EPB41L4A: variants seen among roughly 807,000 people sequenced by gnomAD.
The protein encoded by EPB41L4A is band 4.1-like protein 4A.
Under a neutral mutation model 108.6 loss-of-function variants are expected in EPB41L4A, and 100 were observed. The ratio of observed to expected loss-of-function variants is 0.92; its 90% CI spans 0.78 to 1.09. EPB41L4A has a LOEUF of 1.09. Among genes scored for constraint, EPB41L4A ranks in the 50% least tolerant of loss-of-function variants. The probability of loss-of-function intolerance (pLI) is 0.00; values close to 1 mark genes in which losing one functional copy is unlikely to be tolerated. For missense variants in EPB41L4A, 1,030 were observed against 842.7 expected, an observed-to-expected ratio of 1.22 and a Z score of -2.75; for synonymous variants, 319 against 289.0, an observed-to-expected ratio of 1.10 and a Z score of -1.05.
intron 15 of EPB41L4A, among the ~76,000 whole-genome samples, chr5:112,198,901 G>A (rs1270759512): frequency 1.3e-5 from 2 of 151,960 alleles, no homozygotes; most frequent in Non-Finnish European, 2.9e-5. Context: ...TGTTTCCTGT[G>A]AGAATGCCCC....
At chr5:112,180,620 C>G (rs1161436901) in intron 18 of EPB41L4A, among the ~76,000 whole-genome samples, 2 of 145,506 alleles carry the variant, frequency 1.4e-5, no homozygotes, top group African/African-American at 5.1e-5. Flanking sequence ...ATAAGACTAT[C>G]TTTGTGACCA....
intron 2 of EPB41L4A, among the ~76,000 whole-genome samples, chr5:112,303,818 T>G (rs1248615309): frequency 2.0e-5 from 3 of 152,102 alleles, no homozygotes. Context: ...AGACAAGGTT[T>G]TCTGAAGTTT....
chr5:112,225,654 C>T (rs1225205466), intron 12 of EPB41L4A, among the ~76,000 whole-genome samples: 1 of 152,182 alleles, frequency 6.6e-6, no homozygotes, highest in Non-Finnish European at 1.5e-5. Flanking sequence ...ATCCTGCCTG[C>T]AAGTATTATC....
intron 12 of EPB41L4A, among the ~76,000 whole-genome samples, chr5:112,226,941 G>A (rs1159632006): frequency 6.7e-6 from 1 of 149,656 alleles, no homozygotes; most frequent in East Asian, 2.0e-4. Context: ...CTCTTAAAAT[G>A]CTTAAGATGG....
At position 112,292,222 on chromosome 5, in the gene EPB41L4A, T is replaced by C. The variant is rs114619487; in HGVS notation, c.205-11899A>G. On this transcript the variant is annotated intron_variant, in intron 2 of 22. Coordinates refer to ENST00000261486, the MANE Select transcript of EPB41L4A (RefSeq NM_022140.5). ...TGCCTGGTAAGTATCTGCTATGTGA[T>C]TGAATGGAGATGAGCAACAGCAAAT... Among the ~76,000 whole-genome samples the C allele has an allele frequency of 3.9e-3, 597 of 152,314 alleles. 3 individuals are homozygous for C. Among genetic ancestry groups the C allele is most frequent in the African/African-American group, 0.013 (551 of 41,572 alleles).
chr5:112,161,157 T>A (rs1000830233), downstream of EPB41L4A: 1 of 196,588 alleles, frequency 5.1e-6, no homozygotes, highest in Non-Finnish European at 1.1e-5. Flanking sequence ...CTGGTTTTAT[T>A]TTCGTCAGTG....
At chr5:112,226,881 T>C (rs1040915854) in intron 12 of EPB41L4A, among the ~76,000 whole-genome samples, 5 of 151,580 alleles carry the variant, frequency 3.3e-5, no homozygotes, top group African/African-American at 7.3e-5. Context: ...GAAAACACTC[T>C]AGAGATTGGT....
intron 1 of EPB41L4A, among the ~76,000 whole-genome samples, chr5:112,394,596 CA>C (rs555644822): frequency 3.0e-4 from 45 of 152,252 alleles, no homozygotes; most frequent in African/African-American, 9.9e-4. Flanking sequence ...AAAGAGGACA[CA>C]AACAAATGGA....
intron 1 of EPB41L4A, among the ~76,000 whole-genome samples, chr5:112,377,292 C>T (rs2112580929): frequency 6.6e-6 from 1 of 151,184 alleles, no homozygotes; most frequent in East Asian, 1.9e-4. Flanking sequence ...TATCGATTAT[C>T]AATATCCTAC....
At chr5:112,341,508 T>C (rs1166128839) in intron 1 of EPB41L4A, among the ~76,000 whole-genome samples, 1 of 152,174 alleles carries the variant, frequency 6.6e-6, no homozygotes, top group African/African-American at 2.4e-5. Flanking sequence ...AGCAATAGGA[T>C]CCTCTGAAAC....
Position 112,184,122 on chromosome 5 carries a change from TCTC to T in EPB41L4A, c.1513_1515del (p.Glu505del). On this transcript the variant is annotated inframe_deletion, in exon 18 of 23. Transcript: ENST00000261486. The stretch of plus-strand genomic sequence containing the variant: ...TGAGGCGCTGAATCAACCATATCAT[TCTC>T]CTGCCGTATTCTGAAAGGAAAGCCA... The T allele has an allele frequency of 6.2e-7, 1 of 1,613,888 alleles. No individual in the cohort carries two copies. The highest frequency in any genetic ancestry group is 8.5e-7 in the Non-Finnish European group (1 of 1,179,884).
intron 1 of EPB41L4A, among the ~76,000 whole-genome samples, chr5:112,308,829 T>C (rs1479200933): frequency 9.0e-5 from 13 of 144,428 alleles, no homozygotes; most frequent in African/African-American, 3.8e-4. Flanking sequence ...GATGAGAGTA[T>C]ATGTTTTCCC....
intron 9 of EPB41L4A, among the ~76,000 whole-genome samples, chr5:112,253,743 A>C (rs911325916): frequency 6.6e-6 from 1 of 152,238 alleles, no homozygotes; most frequent in African/African-American, 2.4e-5. Flanking sequence ...AAGGAAGTGA[A>C]GTAAAATGTT....
At position 112,416,325 on chromosome 5, in the gene EPB41L4A, A is replaced by T. The variant is rs73218326; in HGVS notation, c.99+2616T>A. ...ATTAATCTTTTCTAATTCACAGTGCATTACTGTAACAATAATACAAGCAAA... is the reference window on the plus strand; with the variant it reads ...ATTAATCTTTTCTAATTCACAGTGCTTTACTGTAACAATAATACAAGCAAA... On this transcript the variant is annotated intron_variant, in intron 1 of 22. Transcript: ENST00000261486. Among the ~76,000 whole-genome samples, 522 of 152,264 alleles carry T rather than the reference A, an allele frequency of 3.4e-3. 3 individuals carry two copies. Among genetic ancestry groups the T allele is most frequent in the African/African-American group, 0.012 (505 of 41,566 alleles).
At chr5:112,191,757 A>C (rs965097510) in intron 17 of EPB41L4A, among the ~76,000 whole-genome samples, 2 of 152,260 alleles carry the variant, frequency 1.3e-5, no homozygotes, top group East Asian at 3.9e-4. Flanking sequence ...CAGAAAGTAA[A>C]AGTGACTCTG....
At chr5:112,325,390 G>A (rs989603659) in intron 1 of EPB41L4A, among the ~76,000 whole-genome samples, 14 of 151,222 alleles carry the variant, frequency 9.3e-5, no homozygotes, top group Middle Eastern at 3.4e-3. Flanking sequence ...GCAGTGAGCG[G>A]AGATAGCGCC....
chr5:112,267,382 G>A (rs1387900703), intron 4 of EPB41L4A, among the ~76,000 whole-genome samples: 2 of 152,140 alleles, frequency 1.3e-5, no homozygotes, highest in African/African-American at 4.8e-5. Flanking sequence ...CACTTAGTGA[G>A]GAAATGTTAC....
intron 12 of EPB41L4A, among the ~76,000 whole-genome samples, chr5:112,230,485 T>C (rs1254762520): frequency 6.6e-6 from 1 of 152,234 alleles, no homozygotes; most frequent in Non-Finnish European, 1.5e-5. Flanking sequence ...TCATTAGTGA[T>C]GTTGAGCATG....
At chr5:112,365,995 G>A (rs1759099983) in intron 1 of EPB41L4A, among the ~76,000 whole-genome samples, 1 of 152,186 alleles carries the variant, frequency 6.6e-6, no homozygotes, top group Non-Finnish European at 1.5e-5. Flanking sequence ...ATGCTGGGAA[G>A]AGAGTAAACT....
Sources: gnomAD v4.1 joint callset for allele counts (sites outside exome capture counted in the v4.1 genomes callset) on GRCh38, gnomAD v4.1.1 for gene constraint, MANE v1.5 for transcripts, NCBI Gene and HGNC (gene_info 2026-07-23, HGNC 2026-07-21) for gene names.